LAT2: variants seen among roughly 807,000 people sequenced by gnomAD.
LAT2 encodes the protein linker for activation of T cells family member 2, also known as linker for activation of T-cells family member 2.
LAT2 carries 23 observed loss-of-function variants against 43.4 expected under a neutral mutation model. The ratio of observed to expected loss-of-function variants is 0.53; its 90% confidence interval spans 0.38 to 0.75. The LOEUF (loss-of-function observed/expected upper bound fraction) is 0.75, where lower values mean the gene tolerates loss of function less well. Among genes scored for constraint, LAT2 ranks in the 30% least tolerant of loss-of-function variants. The pLI, the probability that LAT2 is intolerant of heterozygous loss-of-function variation, is 0.00. For synonymous variants in LAT2, 128 were observed against 123.2 expected (o/e 1.04, Z -0.26); for missense variants, 284 against 310.2 (o/e 0.92, Z 0.64).
At chr7:74,211,661 G>A (rs1184844786) in intron 1 of LAT2, among the ~76,000 whole-genome samples, 1 of 152,046 alleles carries the variant, frequency 6.6e-6, no homozygotes, top group African/African-American at 2.4e-5. Context: ...GTTTCGCCAT[G>A]TTAGCCAGGA....
chr7:74,213,572 G>GCC (rs1801811936), intron 1 of LAT2, among the ~76,000 whole-genome samples: 2 of 151,812 alleles, frequency 1.3e-5, no homozygotes, highest in Non-Finnish European at 2.9e-5. Flanking sequence ...TCACAGGCGT[G>GCC]TGCCACCACA....
chr7:74,227,019 TGGGA>T (rs559044527), intron 13 of LAT2, among the ~76,000 whole-genome samples: 9 of 140,202 alleles, frequency 6.4e-5, no homozygotes, highest in Admixed American at 1.4e-4. Flanking sequence ...CTGCATGAGA[TGGGA>T]GGGAGGGAGG....
intron 1 of LAT2, 120 bp from the exon 2 acceptor site, chr7:74,214,702 T>A (rs1274711610): frequency 8.3e-5 from 8 of 96,296 alleles, no homozygotes; most frequent in African/African-American, 2.3e-4. Context: ...TATATATAAA[T>A]ATATATAAAT....
intron 1 of LAT2, among the ~76,000 whole-genome samples, chr7:74,214,459 A>T (rs374065249): frequency 2.0e-5 from 1 of 49,658 alleles, no homozygotes; most frequent in African/African-American, 9.4e-5. Context: ...TATATATGAA[A>T]ATATATATAT....
At chr7:74,216,796 C>G in intron 3 of LAT2, 29 bp from the exon 4 acceptor site, 1 of 1,611,922 alleles carries the variant, frequency 6.2e-7, no homozygotes, top group Non-Finnish European at 8.5e-7. Context: ...GCTCCCAGAC[C>G]CTTTGCTAAT....
At chr7:74,228,629 CA>C (rs1201432512) in intron 13 of LAT2, among the ~76,000 whole-genome samples, 915 of 78,040 alleles carry the variant, frequency 0.012, 9 homozygotes, top group African/African-American at 0.028. Context: ...ACTAAAAATA[CA>C]AAAAAAAAAA....
intron 13 of LAT2, among the ~76,000 whole-genome samples, chr7:74,227,200 C>A (rs1554716235): frequency 6.6e-6 from 1 of 151,666 alleles, no homozygotes; most frequent in Non-Finnish European, 1.5e-5. Context: ...TGCCACCACA[C>A]CCGGCCAATT....
chr7:74,213,556 C>T (rs1801810505), intron 1 of LAT2, among the ~76,000 whole-genome samples: 4 of 151,694 alleles, frequency 2.6e-5, no homozygotes, highest in Admixed American at 6.6e-5. Flanking sequence ...TCCTGATTAG[C>T]TGGGATCACA....
At chr7:74,211,330 G>T (rs1311232480) in intron 1 of LAT2, among the ~76,000 whole-genome samples, 1 of 152,222 alleles carries the variant, frequency 6.6e-6, no homozygotes, top group Non-Finnish European at 1.5e-5. Flanking sequence ...AGGCTGGAGT[G>T]CAGTGGCGTG....
rs1197381018 is a variant in LAT2 at position 74,220,172 on chromosome 7, C to T, written c.228-45C>T. On this transcript the variant is annotated intron_variant, in intron 6 of 13. Coordinates refer to ENST00000460943, the MANE Select transcript of LAT2 (RefSeq NM_032464.3). This position sits in a 1 kb window ranked among gnomAD's most constrained non-coding sequence, Gnocchi z 4.5. ...GGGGGATGTGTCCTGGGGGGCCTCTCCCCTACAGCCCCTCCTTTAACTCCC... is the reference window on the plus strand; with the variant it reads ...GGGGGATGTGTCCTGGGGGGCCTCTTCCCTACAGCCCCTCCTTTAACTCCC... 7.0e-6 allele frequency: 11 copies of T among 1,575,186 alleles called. No individual in the cohort carries two copies. In the East Asian group the frequency reaches 2.2e-4, roughly 32 times the overall value.
intron 10 of LAT2, 115 bp downstream of exon 10, chr7:74,221,807 C>T (rs1250952903): frequency 1.3e-5 from 7 of 541,796 alleles, no homozygotes; most frequent in African/African-American, 6.5e-5. Flanking sequence ...TCGGCAGAGC[C>T]GGTTGGGTGG....
chr7:74,214,221 TATATGA>T (rs1404452190), intron 1 of LAT2, among the ~76,000 whole-genome samples: 9 of 101,208 alleles, frequency 8.9e-5, no homozygotes, highest in Admixed American at 1.5e-4. Context: ...TGAAAATATA[TATATGA>T]AAATATATAT....
At chr7:74,221,220 A>T (rs1457408955) in intron 9 of LAT2, among the ~76,000 whole-genome samples, 1 of 152,024 alleles carries the variant, frequency 6.6e-6, no homozygotes, top group Non-Finnish European at 1.5e-5. Context: ...GTTCAAGACC[A>T]GCCTCGCCAA....
At position 74,220,217 on chromosome 7, in the gene LAT2, G is replaced by A. The variant is rs368915070; in HGVS notation, c.228G>A (p.Arg76=). ...ACTCCCTCCTTCCCCCTCCCTGCAGGAAGGACAAGCTGTTGCAATTCTACC... is the reference window on the plus strand; with the variant it reads ...ACTCCCTCCTTCCCCCTCCCTGCAGAAAGGACAAGCTGTTGCAATTCTACC... The part of the protein sequence containing the change: ...PGPLADMAPT[R]KDKLLQFYPS... Residue 76 remains arginine (R), a splice_region_variant and synonymous_variant, in exon 7 of 14, where the codon AGG becomes AGA. Coordinates refer to ENST00000460943, the MANE Select transcript of LAT2 (RefSeq NM_032464.3). The surrounding 1 kb of genome is among the most constrained non-coding windows in gnomAD (Gnocchi z 4.5). 9 of 1,609,408 alleles carry A rather than the reference G, an allele frequency of 5.6e-6. No homozygotes were observed. In the African/African-American group the frequency reaches 1.1e-4, roughly 19 times the overall value.
intron 13 of LAT2, chr7:74,225,764 G>A (rs1802462074): frequency 6.6e-6 from 1 of 152,362 alleles, no homozygotes; most frequent in South Asian, 2.1e-4. Flanking sequence ...GGGAGACCCA[G>A]GCCGTCATCT....
chr7:74,214,228 AAATATATATGAAAATATATATATAAAT>A (rs1801873961), intron 1 of LAT2, among the ~76,000 whole-genome samples: 3 of 98,622 alleles, frequency 3.0e-5, no homozygotes, highest in East Asian at 2.8e-4. Flanking sequence ...ATATATATGA[AAATATATATGAAAATATATATATAAAT>A]ATATATATAT....
intron 4 of LAT2, among the ~76,000 whole-genome samples, chr7:74,218,279 G>A (rs782705413): frequency 1.3e-5 from 2 of 152,178 alleles, no homozygotes; most frequent in African/African-American, 2.4e-5. Flanking sequence ...AGGAAGCCAC[G>A]TCTGACTGAC....
chr7:74,228,485 AAAAC>A (rs200444313), intron 13 of LAT2, among the ~76,000 whole-genome samples: 4,384 of 140,560 alleles, frequency 0.031, 220 homozygotes, highest in African/African-American at 0.11. Context: ...CAAAAACACA[AAAAC>A]AAACAAACAA....
intron 10 of LAT2, among the ~76,000 whole-genome samples, chr7:74,223,234 T>G (rs1374282758): frequency 6.6e-6 from 1 of 152,184 alleles, no homozygotes; most frequent in Non-Finnish European, 1.5e-5. Context: ...CTGGACACAG[T>G]GACTCACGCC....
Sources: gnomAD v4.1 joint callset for allele counts (sites outside exome capture counted in the v4.1 genomes callset) on GRCh38, gnomAD v4.1.1 for gene constraint, Gnocchi (gnomAD v3.1) non-coding constraint, MANE v1.5 for transcripts, NCBI Gene and HGNC (gene_info 2026-07-23, HGNC 2026-07-21) for gene names.